Variants in SERPINB8 observed in about 807,000 individuals in gnomAD.
SERPINB8 encodes the protein serpin B8.
SERPINB8 carries 25 observed loss-of-function variants against 35.3 expected under a neutral mutation model. The ratio of observed to expected loss-of-function variants is 0.71; its 90% CI spans 0.52 to 0.99. SERPINB8 has a LOEUF of 0.99. Among genes scored for constraint, SERPINB8 ranks in the 50% least tolerant of loss-of-function variants. SERPINB8 has a pLI of 0.00. For missense variants in SERPINB8, 484 were observed against 446.5 expected (o/e 1.08, Z -0.76); for synonymous variants, 186 against 160.8 (o/e 1.16, Z -1.19).
intron 1 of SERPINB8, among the ~76,000 whole-genome samples, chr18:64,000,950 C>T (rs959204343): frequency 2.2e-4 from 33 of 152,286 alleles, no homozygotes; most frequent in Admixed American, 5.9e-4. Flanking sequence ...CTCTTACTAG[C>T]AGAGGAATAA....
At chr18:63,986,387 C>T in intron 6 of SERPINB8, 2 of 1,554,398 alleles carry the variant, frequency 1.3e-6, no homozygotes, top group Non-Finnish European at 1.7e-6. Context: ...CTCCCTTCAT[C>T]TTCAGATGAA....
At position 63,988,722 on chromosome 18, in the gene SERPINB8, C is replaced by G. The variant is rs2144828933; in HGVS notation, c.*1444C>G. The G allele has an allele frequency of 6.6e-6, 1 of 152,302 alleles. No homozygotes were observed. Among genetic ancestry groups the G allele is most frequent in the Non-Finnish European group, 1.5e-5 (1 of 68,030 alleles). The allele number at this position is 152,302 out of a possible 1,614,324, so 9.4% of individuals were successfully genotyped here. A position where few individuals can be genotyped will look rare whatever the true frequency, so the allele number is the denominator to read the frequency against. On this transcript the variant is annotated 3_prime_UTR_variant, in exon 7 of 7. Coordinates refer to ENST00000397985, the MANE Select transcript of SERPINB8 (RefSeq NM_002640.4). ...TGAACCATTCATATTACAGCTCTTACTTAAATTTGACCAAGCCAGGATATA... is the reference window on the plus strand; with the variant it reads ...TGAACCATTCATATTACAGCTCTTAGTTAAATTTGACCAAGCCAGGATATA...
rs747873693 is a variant in SERPINB8, at chr18:63,986,994, C to G, written c.841C>G (p.Pro281Ala). The G allele has an allele frequency of 6.2e-7, 1 of 1,614,182 alleles. No individual in the cohort carries two copies. The highest frequency in any genetic ancestry group is 1.1e-5 in the South Asian group (1 of 91,080). The change falls in exon 7 of 7, where the codon CCT becomes GCT. Residue 281 changes from proline (P) to alanine (A), a missense_variant. By Grantham distance (27) the Pro-to-Ala change is conservative. Transcript: ENST00000397985. The part of the protein sequence containing the change: ...LKLEESYDLE[P>A]FLRRLGMIDA... ...GCTGGAGGAGAGTTATGACTTGGAGCCTTTCCTTCGAAGATTAGGAATGAT... is the reference window on the plus strand; with the variant it reads ...GCTGGAGGAGAGTTATGACTTGGAGGCTTTCCTTCGAAGATTAGGAATGAT...
Position 63,979,847 on chromosome 18 carries a change from C to G in SERPINB8, c.215C>G (p.Ser72Ter), listed in dbSNP as rs1035876183. ...KDGDIHRGFQ[S>*]LLSEVNRTGT... Reference sequence around the variant, plus strand: ...GGAGATATTCACCGAGGTTTCCAGTCACTTCTCAGTGAAGTTAACAGAACT... The same window carrying G: ...GGAGATATTCACCGAGGTTTCCAGTGACTTCTCAGTGAAGTTAACAGAACT... Residue 72 changes from serine (S) to a stop codon, truncating the protein, a stop_gained, in exon 3 of 7, where the codon TCA becomes TGA. Coordinates refer to ENST00000397985, the MANE Select transcript of SERPINB8 (RefSeq NM_002640.4). LOFTEE classifies it high-confidence loss of function. 1.2e-6 allele frequency: 2 copies of G among 1,613,924 alleles called. No individual in the cohort carries two copies. Among genetic ancestry groups the G allele is most frequent in the African/African-American group, 2.7e-5 (2 of 74,912 alleles).
At chr18:63,997,291 G>A (rs986586092) in intron 1 of SERPINB8, among the ~76,000 whole-genome samples, 1 of 152,190 alleles carries the variant, frequency 6.6e-6, no homozygotes, top group African/African-American at 2.4e-5. Context: ...AGTGAGCAGA[G>A]GCCTCAAATA....
chr18:63,984,471 C>G (rs6567408), intron 5 of SERPINB8, among the ~76,000 whole-genome samples: 100,291 of 152,174 alleles, frequency 0.66, 33,994 homozygotes, highest in African/African-American at 0.82. Flanking sequence ...CTAACTTTAC[C>G]TTCCCTTTTG....
At chr18:63,983,153 G>A (rs1025673660) in intron 4 of SERPINB8, among the ~76,000 whole-genome samples, 2 of 152,132 alleles carry the variant, frequency 1.3e-5, no homozygotes, top group African/African-American at 4.8e-5. Flanking sequence ...GCACAAGACA[G>A]CCCCCATAAC....
intron 1 of SERPINB8, among the ~76,000 whole-genome samples, chr18:63,977,013 T>C (rs2050592872): frequency 6.6e-6 from 1 of 152,050 alleles, no homozygotes; most frequent in Non-Finnish European, 1.5e-5. Context: ...TCACAGGAAG[T>C]GATGACAGAA....
intron 1 of SERPINB8, among the ~76,000 whole-genome samples, chr18:64,000,266 A>C (rs2050867942): frequency 6.6e-6 from 1 of 152,172 alleles, no homozygotes; most frequent in African/African-American, 2.4e-5. Flanking sequence ...GAAACATTTC[A>C]ATGATGAACT....
At chr18:63,980,035 G>T in intron 3 of SERPINB8, 97 bp downstream of exon 3, 1 of 1,211,334 alleles carries the variant, frequency 8.3e-7, no homozygotes. Flanking sequence ...CTTAAAACGT[G>T]CTTGGAATTA....
rs751451046 is a variant in SERPINB8 at position 63,986,990 on chromosome 18, G to A, written c.837G>A (p.Leu279=). The A allele has an allele frequency of 9.3e-6, 15 of 1,614,108 alleles. No individual in the cohort carries two copies. The highest frequency in any genetic ancestry group is 6.7e-5 in the East Asian group (3 of 44,898). ...TAAAGCTGGAGGAGAGTTATGACTT[G>A]GAGCCTTTCCTTCGAAGATTAGGAA... The part of the protein sequence containing the change: ...PRLKLEESYD[L]EPFLRRLGMI... Residue 279 remains leucine (L), a synonymous_variant, in exon 7 of 7, where the codon TTG becomes TTA. Transcript: ENST00000397985.
intron 6 of SERPINB8, 107 bp downstream of exon 6, chr18:63,985,352 C>G: frequency 4.9e-6 from 6 of 1,225,690 alleles, no homozygotes; most frequent in African/African-American, 1.5e-5. Flanking sequence ...GGGGTTATTA[C>G]AGGCAGTGCT....
downstream of SERPINB8, among the ~76,000 whole-genome samples, chr18:64,005,905 G>A (rs1451981642): frequency 2.0e-5 from 3 of 152,130 alleles, no homozygotes; most frequent in Admixed American, 6.5e-5. Flanking sequence ...TTCATGGCAG[G>A]AGGTAATTTT....
chr18:63,979,809 T>C lies in SERPINB8; in HGVS notation c.177T>C (p.Cys59=), dbSNP rs769431271. Reference sequence around the variant, plus strand: ...TTGGTTTCTGTTCCCAGGCACTTTGTTTATACAAAGACGGAGATATTCACC... The same window carrying C: ...TTGGTTTCTGTTCCCAGGCACTTTGCTTATACAAAGACGGAGATATTCACC... The part of the protein sequence containing the change: ...STAAQMSQAL[C]LYKDGDIHRG... The change falls in exon 3 of 7, where the codon TGT becomes TGC. Residue 59 remains cysteine (C), a synonymous_variant. Coordinates refer to ENST00000397985, the MANE Select transcript of SERPINB8 (RefSeq NM_002640.4). 31 of 1,614,008 alleles carry C rather than the reference T, an allele frequency of 1.9e-5. No homozygotes were observed. The South Asian group carries it at 3.2e-4, about 17-fold the overall frequency.
chr18:63,990,679 C>G (rs1192290668), downstream of SERPINB8, among the ~76,000 whole-genome samples: 1 of 151,208 alleles, frequency 6.6e-6, no homozygotes, highest in African/African-American at 2.4e-5. Context: ...CCCCCCACCC[C>G]ACAACAGGCC....
At chr18:64,013,269 T>C (rs925031754) in intron 7 of SERPINB8, among the ~76,000 whole-genome samples, 8 of 152,118 alleles carry the variant, frequency 5.3e-5, no homozygotes, top group African/African-American at 1.9e-4. Context: ...TCTTTATGTG[T>C]ACTGAGCAAG....
intron 1 of SERPINB8, among the ~76,000 whole-genome samples, chr18:63,998,637 CTT>C (rs1378484936): frequency 2.6e-5 from 4 of 152,284 alleles, no homozygotes; most frequent in Non-Finnish European, 4.4e-5. Flanking sequence ...GCACACCCCT[CTT>C]TTAAAATTAT....
Position 63,985,081 on chromosome 18 carries a change from T to C in SERPINB8, c.568-12T>C, listed in dbSNP as rs2050730587. 3 of 1,612,664 alleles carry C rather than the reference T, an allele frequency of 1.9e-6. No homozygotes were observed. The highest frequency in any genetic ancestry group is 2.5e-6 in the Non-Finnish European group (3 of 1,179,036). On this transcript the variant is annotated splice_polypyrimidine_tract_variant and intron_variant, in intron 5 of 6. Transcript: ENST00000397985. The stretch of plus-strand genomic sequence containing the variant: ...CCACTTTTCAGTAATCGAACTTTAA[T>C]TTTTCCGTTAGGAAAAAAAGACAGT...
At chr18:63,993,622 T>C (rs569187778), downstream of SERPINB8, among the ~76,000 whole-genome samples, 8 of 152,358 alleles carry the variant, frequency 5.3e-5, no homozygotes, top group Non-Finnish European at 7.3e-5. Flanking sequence ...TGTGTCTGCC[T>C]GTTCTAGCAA....
Sources: allele counts gnomAD v4.1 joint callset (sites outside exome capture counted in the v4.1 genomes callset), GRCh38; gene constraint gnomAD v4.1.1; transcripts MANE v1.5; gene names NCBI Gene and HGNC (gene_info 2026-07-23, HGNC 2026-07-21).